Variants in EP300 observed in about 807,000 individuals in gnomAD.
EP300 encodes the protein histone acetyltransferase p300.
A neutral mutation model predicts 264.0 loss-of-function variants in EP300; 31 were observed. The ratio of observed to expected loss-of-function variants is 0.12; its 90% CI spans 0.09 to 0.16. EP300 has a LOEUF of 0.16. EP300 is among the 10% of genes least tolerant of loss of function. The pLI is 1.00. For synonymous variants in EP300, 1,340 were observed against 1,045.4 expected (o/e 1.28, Z -5.44); for missense variants, 2,766 against 3,052.9 (o/e 0.91, Z 2.21).
Position 41,105,261 on chromosome 22 carries a change from G to A in EP300, c.95-11926G>A, listed in dbSNP as rs190076061. On this transcript the variant is annotated intron_variant, in intron 1 of 30. Coordinates refer to ENST00000263253, the MANE Select transcript of EP300 (RefSeq NM_001429.4). Reference sequence around the variant, plus strand: ...CAGGCGCCTGTAGTCCCAGCTACTCGGGAGGCTGAGGCAAGGGAATCTCTT... The same window carrying A: ...CAGGCGCCTGTAGTCCCAGCTACTCAGGAGGCTGAGGCAAGGGAATCTCTT... 9.3e-3 allele frequency among the ~76,000 whole-genome samples: 1,364 copies of A among 147,082 alleles called. 25 individuals carry two copies. The highest frequency in any genetic ancestry group is 0.032 in the African/African-American group (1,289 of 39,850).
At chr22:41,134,058 C>A (rs2145718640) in intron 6 of EP300, among the ~76,000 whole-genome samples, 1 of 152,112 alleles carries the variant, frequency 6.6e-6, no homozygotes, top group East Asian at 1.9e-4. Flanking sequence ...GACAGTTGTG[C>A]TAATGCTCAT....
intron 26 of EP300, 55 bp from the exon 27 acceptor site, chr22:41,170,351 C>T: frequency 6.5e-7 from 1 of 1,540,234 alleles, no homozygotes; most frequent in Non-Finnish European, 9.0e-7. Context: ...TAAAATGTAG[C>T]CTTCTAGAAT....
chr22:41,157,850 A>G (rs978583492), intron 18 of EP300, among the ~76,000 whole-genome samples: 1 of 152,166 alleles, frequency 6.6e-6, no homozygotes, highest in Admixed American at 6.5e-5. Flanking sequence ...TGTGTGCCAC[A>G]GTAGTAATAT....
Position 41,176,815 on chromosome 22 carries a change from G to T in EP300, c.5104G>T (p.Asp1702Tyr). The change falls in exon 31 of 31, where the codon GAC becomes TAC. Residue 1702 changes from aspartate to tyrosine, a missense_variant. Asp to Tyr is a radical substitution (Grantham distance 160). Transcript: ENST00000263253. ...CACCTGCTATAACACTAAAAACCAT[G>T]ACCACAAAATGGAGAAACTAGGCCT... ...CITCYNTKNH[D>Y]HKMEKLGLGL... 1.2e-6 allele frequency: 2 copies of T among 1,613,986 alleles called. No individual in the cohort carries two copies. The highest frequency in any genetic ancestry group is 2.2e-5 in the South Asian group (2 of 90,948).
intron 23 of EP300, among the ~76,000 whole-genome samples, chr22:41,167,479 C>T (rs1383718403): frequency 6.6e-6 from 1 of 150,458 alleles, no homozygotes; most frequent in Non-Finnish European, 1.5e-5. Context: ...TGTAAGGTTT[C>T]TCAAAATGCT....
intron 8 of EP300, among the ~76,000 whole-genome samples, chr22:41,138,801 T>A (rs1281244564): frequency 6.6e-6 from 1 of 152,238 alleles, no homozygotes; most frequent in Non-Finnish European, 1.5e-5. Context: ...GTATCCATAT[T>A]TTTTAATTGA....
chr22:41,126,121 A>G (rs990847711), intron 3 of EP300, 81 bp downstream of exon 3: 4 of 1,457,540 alleles, frequency 2.7e-6, no homozygotes, highest in East Asian at 2.3e-5. Context: ...CCCTTCTGTT[A>G]TATATGCTGG....
intron 25 of EP300, 192 bp downstream of exon 25, chr22:41,169,059 C>T (rs1045864048): frequency 1.4e-6 from 1 of 737,452 alleles, no homozygotes. Context: ...CTCAATACTG[C>T]TCTTCTGTGG....
intron 12 of EP300, among the ~76,000 whole-genome samples, chr22:41,148,254 G>T (rs906303317): frequency 6.6e-6 from 1 of 152,138 alleles, no homozygotes; most frequent in South Asian, 2.1e-4. Flanking sequence ...TTTTTGCCTG[G>T]TTCTTGAACT....
At chr22:41,152,470 A>C in intron 16 of EP300, 120 bp downstream of exon 16, 5 of 1,187,088 alleles carry the variant, frequency 4.2e-6, no homozygotes, top group Non-Finnish European at 6.1e-6. Context: ...ATTAACCTGG[A>C]AGCCCTGGGC....
chr22:41,135,224 A>G (rs1411449081), intron 6 of EP300, among the ~76,000 whole-genome samples: 4 of 152,158 alleles, frequency 2.6e-5, no homozygotes, highest in South Asian at 4.1e-4. Flanking sequence ...CATGTTACGC[A>G]GAATGCACTT....
chr22:41,129,764 T>C (rs1359921085), intron 4 of EP300, 126 bp from the exon 5 acceptor site: 8 of 731,146 alleles, frequency 1.1e-5, no homozygotes, highest in Admixed American at 4.1e-5. Context: ...AGCTACCTTA[T>C]AGGGCTGTTA....
At chr22:41,139,496 A>T (rs1324557956) in intron 8 of EP300, among the ~76,000 whole-genome samples, 1 of 152,160 alleles carries the variant, frequency 6.6e-6, no homozygotes, top group East Asian at 1.9e-4. Context: ...ACTTCCATTT[A>T]TATCTTCTTG....
At chr22:41,118,811 G>C (rs77255769) in intron 2 of EP300, among the ~76,000 whole-genome samples, 4 of 25,240 alleles carry the variant, frequency 1.6e-4, no homozygotes, top group Non-Finnish European at 2.9e-4. Context: ...AAAAAAAAAA[G>C]AACCTTGATG....
At chr22:41,167,932 G>T (rs554133096) in intron 23 of EP300, among the ~76,000 whole-genome samples, 44 of 132,330 alleles carry the variant, frequency 3.3e-4, no homozygotes, top group African/African-American at 1.1e-3. Context: ...AGCGATTCTC[G>T]TGCCTCAGCC....
chr22:41,100,377 C>T (rs1361032472), intron 1 of EP300, among the ~76,000 whole-genome samples: 1 of 152,154 alleles, frequency 6.6e-6, no homozygotes, highest in Non-Finnish European at 1.5e-5. Context: ...AAGCCAAGTG[C>T]ATGATGTTCA....
chr22:41,147,946 G>T lies in EP300; in HGVS notation c.2241G>T (p.Pro747=), dbSNP rs759604286. The change falls in exon 12 of 31, where the codon CCG becomes CCT. Residue 747 remains proline, a splice_region_variant and synonymous_variant. Coordinates refer to ENST00000263253, the MANE Select transcript of EP300 (RefSeq NM_001429.4). Reference sequence around the variant, plus strand: ...TGGCTCAACCTGGAGCTCTCAACCCGGTTAGTTTGACGTCTTTGGTAATCT... The same window carrying T: ...TGGCTCAACCTGGAGCTCTCAACCCTGTTAGTTTGACGTCTTTGGTAATCT... The part of the protein sequence containing the change: ...GQLAQPGALN[P]PMGYGPRMQQ... 1.3e-6 allele frequency: 2 copies of T among 1,597,604 alleles called. No individual in the cohort carries two copies. The highest frequency in any genetic ancestry group is 1.3e-5 in the African/African-American group (1 of 74,206).
chr22:41,118,788 A>G (rs967892745), intron 2 of EP300, among the ~76,000 whole-genome samples: 3 of 115,800 alleles, frequency 2.6e-5, no homozygotes, highest in Non-Finnish European at 3.7e-5. Flanking sequence ...CCCATCTTCT[A>G]TTTAAGGGGA....
At chr22:41,152,729 C>T (rs1056137592) in intron 16 of EP300, among the ~76,000 whole-genome samples, 2 of 149,932 alleles carry the variant, frequency 1.3e-5, no homozygotes, top group Non-Finnish European at 3.0e-5. Flanking sequence ...TCCACATTGT[C>T]TCATTTAATA....
Sources: allele counts gnomAD v4.1 joint callset (sites outside exome capture counted in the v4.1 genomes callset), GRCh38; gene constraint gnomAD v4.1.1; transcripts MANE v1.5; gene names NCBI Gene and HGNC (gene_info 2026-07-23, HGNC 2026-07-21).